ADK: variants seen among roughly 807,000 people sequenced by gnomAD.
ADK encodes adenosine kinase, also known as N6,N6-dimethyladenosine kinase.
A neutral mutation model predicts 44.7 loss-of-function variants in ADK; 24 were observed. The ratio of observed to expected loss-of-function variants is 0.54; its 90% CI spans 0.39 to 0.76. ADK has a LOEUF of 0.76. Ranked by LOEUF, ADK falls within the 30% of genes least tolerant of loss-of-function variation. ADK has a pLI of 0.00. For missense variants in ADK, 321 were observed against 425.1 expected, an observed-to-expected ratio of 0.76 and a Z score of 2.15; for synonymous variants, 128 against 142.6, an observed-to-expected ratio of 0.90 and a Z score of 0.73.
intron 1 of ADK, among the ~76,000 whole-genome samples, chr10:74,169,249 A>T (rs906896138): frequency 6.6e-6 from 1 of 152,222 alleles, no homozygotes; most frequent in Non-Finnish European, 1.5e-5. Flanking sequence ...ATATTTCATA[A>T]GGTTAGCAAC....
intron 3 of ADK, among the ~76,000 whole-genome samples, chr10:74,281,991 A>G (rs1846958597): frequency 6.6e-6 from 1 of 152,206 alleles, no homozygotes; most frequent in Non-Finnish European, 1.5e-5. Flanking sequence ...TTGTTGAAAT[A>G]TGCACATTTT....
chr10:74,287,377 TC>T (rs1847211068), intron 3 of ADK, among the ~76,000 whole-genome samples: 1 of 151,436 alleles, frequency 6.6e-6, no homozygotes, highest in African/African-American at 2.4e-5. Context: ...GGCACGAGAA[TC>T]ACTTGAACCC....
intron 7 of ADK, among the ~76,000 whole-genome samples, chr10:74,537,843 A>C (rs1849506385): frequency 6.6e-6 from 1 of 152,234 alleles, no homozygotes; most frequent in African/African-American, 2.4e-5. Flanking sequence ...ATAAAATAAC[A>C]GTTTGAAATG....
intron 8 of ADK, among the ~76,000 whole-genome samples, chr10:74,594,486 A>T (rs575952802): frequency 9.2e-5 from 14 of 152,234 alleles, no homozygotes; most frequent in Admixed American, 3.9e-4. Flanking sequence ...ATATTTTTTT[A>T]AAATATGACA....
chr10:74,426,372 TAGA>T (rs1231185467), intron 6 of ADK, among the ~76,000 whole-genome samples: 1 of 152,212 alleles, frequency 6.6e-6, no homozygotes, highest in Non-Finnish European at 1.5e-5. Context: ...TGACCAGTTC[TAGA>T]AGATTGGTTG....
chr10:74,315,118 CTT>C (rs1840571652), intron 4 of ADK, among the ~76,000 whole-genome samples: 1 of 151,940 alleles, frequency 6.6e-6, no homozygotes, highest in African/African-American at 2.4e-5. Flanking sequence ...CTTACAGTGT[CTT>C]TTACTGTGCC....
intron 1 of ADK, among the ~76,000 whole-genome samples, chr10:74,167,380 T>A (rs900261512): frequency 2.0e-5 from 3 of 152,248 alleles, no homozygotes; most frequent in Non-Finnish European, 4.4e-5. Flanking sequence ...CTTTATTAGA[T>A]GTCATGATTT....
intron 9 of ADK, among the ~76,000 whole-genome samples, chr10:74,617,841 C>T (rs1477992061): frequency 6.6e-6 from 1 of 152,172 alleles, no homozygotes; most frequent in East Asian, 1.9e-4. Flanking sequence ...ATTCACCCAC[C>T]TTGGGCTCCC....
intron 1 of ADK, among the ~76,000 whole-genome samples, chr10:74,173,442 T>C (rs528632793): frequency 6.6e-4 from 99 of 151,080 alleles, no homozygotes; most frequent in Non-Finnish European, 1.1e-3. Context: ...TTTTTTTTTT[T>C]CTTTTGAGAT....
chr10:74,448,110 C>G (rs928762216), intron 6 of ADK, among the ~76,000 whole-genome samples: 4 of 152,048 alleles, frequency 2.6e-5, no homozygotes, highest in African/African-American at 9.7e-5. Context: ...GAGGCAGAGG[C>G]TGCAGTGAGT....
chr10:74,454,909 G>T (rs1344071750), intron 6 of ADK, among the ~76,000 whole-genome samples: 2 of 152,098 alleles, frequency 1.3e-5, no homozygotes, highest in Non-Finnish European at 2.9e-5. Flanking sequence ...TTCACATAAG[G>T]GTCTTGTGAC....
At chr10:74,205,974 G>A (rs1047739832) in intron 2 of ADK, among the ~76,000 whole-genome samples, 1 of 152,114 alleles carries the variant, frequency 6.6e-6, no homozygotes, top group African/African-American at 2.4e-5. Context: ...TTGTATGTCA[G>A]TTATATATCA....
intron 1 of ADK, among the ~76,000 whole-genome samples, chr10:74,195,079 G>T (rs761042920): frequency 1.1e-5 from 1 of 90,664 alleles, no homozygotes; most frequent in East Asian, 2.3e-4. Context: ...ATTACTGACC[G>T]CTCCCCCCCC....
intron 1 of ADK, among the ~76,000 whole-genome samples, chr10:74,195,707 C>CTTTTTTTTTTTTTTTTTTTTTTTTTTCT (rs71475265): frequency 1.0e-5 from 1 of 97,526 alleles, no homozygotes; most frequent in Non-Finnish European, 1.9e-5. Context: ...TCTTTTCTTT[C>CTTTTTTTTTTTTTTTTTTTTTTTTTTCT]TTTTTTTTTT....
chr10:74,646,761 T>C (rs1417005933), intron 9 of ADK, among the ~76,000 whole-genome samples: 1 of 152,110 alleles, frequency 6.6e-6, no homozygotes, highest in Non-Finnish European at 1.5e-5. Context: ...GAAAACAATA[T>C]AAGCTCAGCC....
intron 6 of ADK, among the ~76,000 whole-genome samples, chr10:74,514,070 G>A (rs1848461835): frequency 1.3e-5 from 2 of 152,124 alleles, no homozygotes; most frequent in South Asian, 4.1e-4. Context: ...CTGAAGGTTA[G>A]CTTTGCTGGG....
chr10:74,459,969 G>C (rs2894236), intron 6 of ADK, among the ~76,000 whole-genome samples: 92,578 of 151,744 alleles, frequency 0.61, 30,513 homozygotes, highest in Middle Eastern at 0.79. Flanking sequence ...TTGCTTCCCT[G>C]TAAGGGTATT....
At chr10:74,241,196 C>T (rs1397226754) in intron 3 of ADK, among the ~76,000 whole-genome samples, 1 of 152,122 alleles carries the variant, frequency 6.6e-6, no homozygotes, top group Admixed American at 6.5e-5. Flanking sequence ...TTATTTTAAA[C>T]TTTTTCTTAG....
intron 3 of ADK, among the ~76,000 whole-genome samples, chr10:74,292,128 T>C (rs1249478465): frequency 1.3e-5 from 2 of 152,202 alleles, no homozygotes; most frequent in Non-Finnish European, 2.9e-5. Flanking sequence ...CCTACCTACC[T>C]ACTTACCTCT....
Sources: allele counts gnomAD v4.1 joint callset (sites outside exome capture counted in the v4.1 genomes callset), GRCh38; gene constraint gnomAD v4.1.1; transcripts MANE v1.5; gene names NCBI Gene and HGNC (gene_info 2026-07-23, HGNC 2026-07-21).